Variants in HECW1 observed in about 807,000 individuals in gnomAD.
The protein encoded by HECW1 is HECT, C2 and WW domain containing E3 ubiquitin protein ligase 1, also known as E3 ubiquitin-protein ligase HECW1.
In HECW1, 61 loss-of-function variants were observed where a neutral mutation model predicts 182.3. That is an observed-to-expected ratio of 0.33 (90% CI 0.27 to 0.41). The LOEUF is 0.41. HECW1 is among the 10% of genes least tolerant of loss of function. The pLI is 1.00. For missense variants in HECW1, 1,739 were observed against 2,108.9 expected (o/e 0.82, Z 3.44); for synonymous variants, 859 against 832.6 (o/e 1.03, Z -0.55).
rs1285760161 is a variant in HECW1, at chr7:43,224,190, AT to A, written c.-31-19682del. On this transcript the variant is annotated intron_variant, in intron 2 of 29. Coordinates refer to ENST00000395891, the MANE Select transcript of HECW1 (RefSeq NM_015052.5). ...GCACATAAAATGAATGAATAGATGTATTTGCTATTCCAAAGAACATCGAACT... is the reference window on the plus strand; with the variant it reads ...GCACATAAAATGAATGAATAGATGTATTGCTATTCCAAAGAACATCGAACT... Among the ~76,000 whole-genome samples the A allele has an allele frequency of 4.6e-5, 7 of 152,352 alleles. No individual in the cohort carries two copies. In the East Asian group the frequency reaches 1.3e-3, roughly 29 times the overall value.
At chr7:43,216,562 G>A (rs368844639) in intron 2 of HECW1, among the ~76,000 whole-genome samples, 27 of 152,282 alleles carry the variant, frequency 1.8e-4, no homozygotes, top group African/African-American at 5.8e-4. Flanking sequence ...TGAAGATGTT[G>A]CCTGGTACTG....
chr7:43,538,494 A>C (rs2081257040), intron 24 of HECW1, among the ~76,000 whole-genome samples: 1 of 152,366 alleles, frequency 6.6e-6, no homozygotes, highest in East Asian at 1.9e-4. Context: ...GAAACTGAGA[A>C]GAGGGAGGTT....
At position 43,488,468 on chromosome 7, in the gene HECW1, GAAAGAAAGAAAGAAAGAAAGAGAA is replaced by G. The variant is rs1327945955; in HGVS notation, c.3235-3605_3235-3582del. On this transcript the variant is annotated intron_variant, in intron 17 of 29. Transcript: ENST00000395891. The stretch of plus-strand genomic sequence containing the variant: ...AGAAAGAAAGAAAGAAAGAAAGAAA[GAAAGAAAGAAAGAAAGAAAGAGAA>G]AGAAAGAAAGAAAAGAAAAGAAAGA... Among the ~76,000 whole-genome samples the G allele has an allele frequency of 1.8e-3, 265 of 147,886 alleles. 2 individuals are homozygous for G. The highest frequency in any genetic ancestry group is 6.3e-3 in the African/African-American group (246 of 39,196).
At chr7:43,442,999 CTAGA>C (rs969115602) in intron 10 of HECW1, among the ~76,000 whole-genome samples, 1 of 152,190 alleles carries the variant, frequency 6.6e-6, no homozygotes, top group African/African-American at 2.4e-5. Context: ...TACCTAGTAA[CTAGA>C]TATAGACTAG....
chr7:43,165,404 G>GT (rs1554297142), intron 2 of HECW1, among the ~76,000 whole-genome samples: 3 of 151,326 alleles, frequency 2.0e-5, no homozygotes, highest in Non-Finnish European at 4.4e-5. Context: ...TGGCGGGGGG[G>GT]GGTGTTTGTG....
At chr7:43,335,970 CCT>C (rs145924973) in intron 5 of HECW1, among the ~76,000 whole-genome samples, 31,935 of 135,820 alleles carry the variant, frequency 0.24, 4,600 homozygotes, top group African/African-American at 0.42. Context: ...CCTTCCTTTC[CCT>C]CTCTCTCTCT....
chr7:43,492,322 T>C, intron 18 of HECW1, 142 bp downstream of exon 18: 1 of 616,206 alleles, frequency 1.6e-6, no homozygotes, highest in Non-Finnish European at 2.8e-6. Context: ...TAGGATATAG[T>C]GCACACCCCG....
chr7:43,330,016 C>G (rs150323097), intron 5 of HECW1, among the ~76,000 whole-genome samples: 3 of 152,044 alleles, frequency 2.0e-5, no homozygotes, highest in Non-Finnish European at 4.4e-5. Context: ...GGAATTCCAT[C>G]GAGGAGCAAG....
At chr7:43,555,740 C>T (rs1428257111) in intron 29 of HECW1, among the ~76,000 whole-genome samples, 2 of 152,196 alleles carry the variant, frequency 1.3e-5, no homozygotes, top group Non-Finnish European at 2.9e-5. Context: ...TTAACCACAG[C>T]TGAACACCCT....
intron 8 of HECW1, among the ~76,000 whole-genome samples, chr7:43,426,035 G>T (rs1360176764): frequency 1.3e-5 from 2 of 152,128 alleles, no homozygotes; most frequent in Admixed American, 6.6e-5. Context: ...GCATTGTTGG[G>T]ACTGGGATGA....
At chr7:43,492,464 G>A (rs79970441) in intron 18 of HECW1, among the ~76,000 whole-genome samples, 3,938 of 151,740 alleles carry the variant, frequency 0.026, 108 homozygotes, top group East Asian at 0.14. Flanking sequence ...TCAGTGATTT[G>A]TTAATCCCGT....
chr7:43,433,526 T>G (rs1288300349), intron 8 of HECW1, among the ~76,000 whole-genome samples: 1 of 152,214 alleles, frequency 6.6e-6, no homozygotes, highest in African/African-American at 2.4e-5. Context: ...CATCTGCGCT[T>G]AAACAAAAGA....
At chr7:43,419,677 A>G (rs953298692) in intron 8 of HECW1, among the ~76,000 whole-genome samples, 1 of 152,204 alleles carries the variant, frequency 6.6e-6, no homozygotes, top group East Asian at 1.9e-4. Flanking sequence ...ATTTTCAACA[A>G]CTCCTACAAA....
intron 5 of HECW1, among the ~76,000 whole-genome samples, chr7:43,328,053 C>T (rs888544005): frequency 6.6e-6 from 1 of 151,182 alleles, no homozygotes; most frequent in East Asian, 1.9e-4. Flanking sequence ...CATAGTGGCT[C>T]ACACCTATAA....
intron 2 of HECW1, among the ~76,000 whole-genome samples, chr7:43,242,188 C>T (rs1203102318): frequency 1.3e-5 from 2 of 152,162 alleles, no homozygotes; most frequent in Admixed American, 6.5e-5. Flanking sequence ...CAAGGAAGGG[C>T]GACATCAGGT....
At chr7:43,364,151 C>T (rs189763348) in intron 6 of HECW1, among the ~76,000 whole-genome samples, 2 of 152,198 alleles carry the variant, frequency 1.3e-5, no homozygotes, top group African/African-American at 2.4e-5. Context: ...TACGCTAAAC[C>T]TACCATTCTT....
At chr7:43,138,431 A>G (rs957969143) in intron 2 of HECW1, among the ~76,000 whole-genome samples, 2 of 152,214 alleles carry the variant, frequency 1.3e-5, no homozygotes, top group South Asian at 2.1e-4. Context: ...TAAATTAATT[A>G]GGAACCACCG....
intron 19 of HECW1, among the ~76,000 whole-genome samples, chr7:43,495,362 G>A (rs1220009412): frequency 6.6e-6 from 1 of 152,070 alleles, no homozygotes; most frequent in East Asian, 1.9e-4. Flanking sequence ...AACATGTAGT[G>A]TTTGGTTTTC....
intron 19 of HECW1, among the ~76,000 whole-genome samples, chr7:43,499,468 C>A (rs1211149771): frequency 2.0e-4 from 27 of 135,048 alleles, no homozygotes; most frequent in Admixed American, 3.1e-4. Flanking sequence ...GACTCTGTCT[C>A]AAAAAAAAAA....
Sources: gnomAD v4.1 joint callset for allele counts (sites outside exome capture counted in the v4.1 genomes callset) on GRCh38, gnomAD v4.1.1 for gene constraint, MANE v1.5 for transcripts, NCBI Gene and HGNC (gene_info 2026-07-23, HGNC 2026-07-21) for gene names.